Variants in PDE1C observed in about 807,000 individuals in gnomAD.
PDE1C encodes dual specificity calcium/calmodulin-dependent 3',5'-cyclic nucleotide phosphodiesterase 1C.
PDE1C carries 62 observed loss-of-function variants against 93.1 expected under a neutral mutation model. That is an observed-to-expected ratio of 0.67 (90% CI 0.54 to 0.82). The LOEUF (loss-of-function observed/expected upper bound fraction) is 0.82. Among genes scored for constraint, PDE1C ranks in the 40% least tolerant of loss-of-function variants. The probability of loss-of-function intolerance (pLI) is 0.00; values close to 1 mark genes in which losing one functional copy is unlikely to be tolerated. For synonymous variants in PDE1C, 325 were observed against 310.1 expected (o/e 1.05, Z -0.50); for missense variants, 742 against 884.6 (o/e 0.84, Z 2.04).
In PDE1C at chr7:32,185,601, A is replaced by G. The variant is rs527473204; in HGVS notation, c.137-15645T>C. On this transcript the variant is annotated intron_variant, in intron 2 of 18. Transcript: ENST00000396193. ...TTTTCCTTTACAATTGCCATTTTGCAGAGATATTCAAATTTGTTTGCATAA... is the reference window on the plus strand; with the variant it reads ...TTTTCCTTTACAATTGCCATTTTGCGGAGATATTCAAATTTGTTTGCATAA... Among the ~76,000 whole-genome samples the G allele has an allele frequency of 3.9e-5, 6 of 152,320 alleles. No individual in the cohort carries two copies. The East Asian group carries it at 1.2e-3, about 29-fold the overall frequency.
chr7:31,804,258 C>T (rs1252950886), intron 16 of PDE1C, among the ~76,000 whole-genome samples: 1 of 151,798 alleles, frequency 6.6e-6, no homozygotes, highest in Non-Finnish European at 1.5e-5. Flanking sequence ...GCTTATTATT[C>T]CCCATGACTA....
chr7:31,857,609 C>T lies in PDE1C; in HGVS notation c.751-6868G>A, dbSNP rs560985756. On this transcript the variant is annotated intron_variant, in intron 7 of 17. Coordinates refer to ENST00000396191, the MANE Select transcript of PDE1C (RefSeq NM_001191057.4). ...CTGTTGCTGATGAAGAGCTGCCATG[C>T]CCTCCCTAGAAGTCTCTCTGGACAG... Among the ~76,000 whole-genome samples, 187 of 152,224 alleles carry T rather than the reference C, an allele frequency of 1.2e-3. 1 individual carries two copies. The highest frequency in any genetic ancestry group is 4.4e-3 in the African/African-American group (183 of 41,550).
chr7:31,657,897 T>C, the PDE1C span, among the ~76,000 whole-genome samples: 7 of 152,218 alleles, frequency 4.6e-5, no homozygotes, highest in Non-Finnish European at 8.8e-5. Context: ...GTGATTATTT[T>C]CAAATTTAGA....
intron 3 of PDE1C, among the ~76,000 whole-genome samples, chr7:32,133,862 G>A (rs781272503): frequency 9.2e-5 from 14 of 152,024 alleles, no homozygotes; most frequent in South Asian, 8.3e-4. Flanking sequence ...TATTACAACC[G>A]TGCTTATGGA....
At chr7:31,873,995 C>G (rs1796244202) in intron 5 of PDE1C, among the ~76,000 whole-genome samples, 1 of 152,182 alleles carries the variant, frequency 6.6e-6, no homozygotes, top group Non-Finnish European at 1.5e-5. Context: ...TGTTCAGAAA[C>G]ATGCATGATG....
intron 1 of PDE1C, among the ~76,000 whole-genome samples, chr7:32,381,950 C>T (rs1784543783): frequency 6.6e-6 from 1 of 152,120 alleles, no homozygotes; most frequent in African/African-American, 2.4e-5. Context: ...CCAAGCATGA[C>T]CATATGCCAA....
chr7:31,682,687 G>A, the PDE1C span, among the ~76,000 whole-genome samples: 2 of 152,274 alleles, frequency 1.3e-5, no homozygotes, highest in African/African-American at 4.8e-5. Context: ...GTTCACAGTA[G>A]CTTCCTTTGC....
chr7:32,186,087 GTT>G (rs10561469), intron 2 of PDE1C, among the ~76,000 whole-genome samples: 4 of 128,606 alleles, frequency 3.1e-5, no homozygotes, highest in Admixed American at 7.8e-5. Flanking sequence ...TTGTTTTTTT[GTT>G]TTTTTTTTTT....
chr7:32,175,705 C>T (rs1379203300), intron 2 of PDE1C, among the ~76,000 whole-genome samples: 1 of 152,234 alleles, frequency 6.6e-6, no homozygotes, highest in African/African-American at 2.4e-5. Context: ...CCTCCATAAA[C>T]AATTTTCCAA....
Position 31,800,429 on chromosome 7 carries a change from T to C in PDE1C, c.1891+8602A>G, listed in dbSNP as rs983575377. ...TGAGATGTCGCTTGTATGTGATGTA[T>C]AGTTAGAAATTCCTTATTTTGCATA... is the stretch of plus-strand genomic sequence containing the variant. On this transcript the variant is annotated intron_variant, in intron 16 of 17. Transcript: ENST00000396191. 4.0e-5 allele frequency among the ~76,000 whole-genome samples: 6 copies of C among 151,734 alleles called. 1 individual carries two copies. Among genetic ancestry groups the C allele is most frequent in the South Asian group, 4.2e-4 (2 of 4,818 alleles).
At chr7:32,350,564 A>ATTGCCTG (rs1562686450) in intron 1 of PDE1C, among the ~76,000 whole-genome samples, 13 of 528 alleles carry the variant, frequency 0.025, 6 homozygotes, top group African/African-American at 0.011. Context: ...ATATATATAT[A>ATTGCCTG]TATATATATA....
At chr7:31,951,016 C>T in intron 2 of PDE1C, among the ~76,000 whole-genome samples, 1 of 152,140 alleles carries the variant, frequency 6.6e-6, no homozygotes, top group African/African-American at 2.4e-5. Context: ...CCTGATGCCT[C>T]TCTTCTTGGC....
At chr7:32,170,919 G>A (rs1802607125) in intron 2 of PDE1C, among the ~76,000 whole-genome samples, 1 of 152,068 alleles carries the variant, frequency 6.6e-6, no homozygotes, top group Non-Finnish European at 1.5e-5. Context: ...TCACCCCAGG[G>A]CCTGGTACCA....
chr7:32,342,899 T>G (rs553211271), intron 1 of PDE1C, among the ~76,000 whole-genome samples: 1 of 152,346 alleles, frequency 6.6e-6, no homozygotes, highest in African/African-American at 2.4e-5. Flanking sequence ...TTTGTGCTTG[T>G]TTATTTGTAA....
chr7:32,172,272 A>G (rs1399517772), intron 2 of PDE1C, among the ~76,000 whole-genome samples: 1 of 152,054 alleles, frequency 6.6e-6, no homozygotes, highest in Non-Finnish European at 1.5e-5. Flanking sequence ...GAATGGGAGA[A>G]CATTTTTGCA....
chr7:31,827,974 A>C (rs960731046), intron 12 of PDE1C, among the ~76,000 whole-genome samples: 6 of 152,124 alleles, frequency 3.9e-5, no homozygotes, highest in Non-Finnish European at 8.8e-5. Context: ...TCCTGCATGC[A>C]GAATGGCGGG....
the PDE1C span, chr7:31,658,592 C>T: frequency 5.7e-5 from 19 of 331,748 alleles, no homozygotes; most frequent in Non-Finnish European, 9.1e-5. Flanking sequence ...TCATGATGTG[C>T]GAGAATTGTA....
At chr7:31,869,515 A>C (rs548807020) in intron 6 of PDE1C, among the ~76,000 whole-genome samples, 1 of 152,234 alleles carries the variant, frequency 6.6e-6, no homozygotes, top group African/African-American at 2.4e-5. Context: ...AAATGGTAAA[A>C]AGAGACAAAG....
upstream of PDE1C, among the ~76,000 whole-genome samples, chr7:32,072,899 T>C (rs985445483): frequency 3.3e-5 from 5 of 152,224 alleles, no homozygotes; most frequent in African/African-American, 9.6e-5. Flanking sequence ...GTGATACATT[T>C]AGGCAAAAAT....
Sources: gnomAD v4.1 joint callset for allele counts (sites outside exome capture counted in the v4.1 genomes callset) on GRCh38, gnomAD v4.1.1 for gene constraint, MANE v1.5 for transcripts, NCBI Gene and HGNC (gene_info 2026-07-23, HGNC 2026-07-21) for gene names.